IKZF2: variants seen among roughly 807,000 people sequenced by gnomAD.
The protein encoded by IKZF2 is zinc finger protein Helios.
IKZF2 carries 15 observed loss-of-function variants against 49.2 expected under a neutral mutation model. The ratio of observed to expected loss-of-function variants is 0.30; its 90% confidence interval spans 0.20 to 0.47. The LOEUF (loss-of-function observed/expected upper bound fraction) is 0.47. IKZF2 is among the 20% of genes least tolerant of loss of function. The pLI is 1.00. For missense variants in IKZF2, 567 were observed against 664.6 expected, an observed-to-expected ratio of 0.85 and a Z score of 1.61; for synonymous variants, 227 against 221.4, an observed-to-expected ratio of 1.03 and a Z score of -0.23.
rs1431744668 is a variant in IKZF2 at position 213,002,286 on chromosome 2, G to A, written c.*5074C>T. 2 of 151,476 alleles carry A rather than the reference G, an allele frequency of 1.3e-5. No individual in the cohort carries two copies. Among genetic ancestry groups the A allele is most frequent in the African/African-American group, 2.4e-5 (1 of 41,374 alleles). The allele number at this position is 151,476 out of a possible 1,614,324, so 9.4% of individuals were successfully genotyped here. ...AAAATATACAAATGCAGTGTTATGG[G>A]AGGAAAGCCCCATAAACAGAATTAT... On this transcript the variant is annotated 3_prime_UTR_variant, in exon 9 of 9. Coordinates refer to ENST00000434687, the MANE Select transcript of IKZF2 (RefSeq NM_001387220.1).
chr2:213,078,800 T>C (rs1465881774), intron 4 of IKZF2, among the ~76,000 whole-genome samples: 1 of 152,208 alleles, frequency 6.6e-6, no homozygotes, highest in Non-Finnish European at 1.5e-5. Context: ...GAAATTCTGC[T>C]GTCATTTCCT....
chr2:213,092,860 A>T (rs891683012), intron 4 of IKZF2, among the ~76,000 whole-genome samples: 11 of 152,156 alleles, frequency 7.2e-5, no homozygotes, highest in Admixed American at 6.5e-4. Flanking sequence ...AGTGCCACAC[A>T]GCTCTATGTC....
chr2:213,052,373 G>A (rs1005557393), intron 5 of IKZF2, among the ~76,000 whole-genome samples: 1 of 152,014 alleles, frequency 6.6e-6, no homozygotes, highest in African/African-American at 2.4e-5. Context: ...TAAGAGAAAA[G>A]GGGCATTGAA....
chr2:213,083,828 G>A (rs1041858870), intron 4 of IKZF2, among the ~76,000 whole-genome samples: 1 of 151,100 alleles, frequency 6.6e-6, no homozygotes, highest in Non-Finnish European at 1.5e-5. Flanking sequence ...GGACTATCTA[G>A]TTGCAGGAAA....
chr2:213,126,804 A>T (rs897423067), intron 4 of IKZF2, among the ~76,000 whole-genome samples: 1 of 152,164 alleles, frequency 6.6e-6, no homozygotes, highest in Non-Finnish European at 1.5e-5. Context: ...AGCAAAACAC[A>T]TTGGTTTCAG....
Position 213,040,329 on chromosome 2 carries a change from C to T in IKZF2, c.574+9384G>A, listed in dbSNP as rs1048810614. 8.6e-5 allele frequency among the ~76,000 whole-genome samples: 13 copies of T among 150,754 alleles called. No individual in the cohort carries two copies. The East Asian group carries it at 1.7e-3, about 20-fold the overall frequency. On this transcript the variant is annotated intron_variant, in intron 6 of 8. Transcript: ENST00000434687. ...GTTATTTTCTCCTGATTCTCTCCTT[C>T]GTCCCACCCTCTACTCTCCAATAGG...
intron 4 of IKZF2, among the ~76,000 whole-genome samples, chr2:213,111,203 T>TA (rs1321402224): frequency 6.6e-6 from 1 of 152,020 alleles, no homozygotes; most frequent in Non-Finnish European, 1.5e-5. Flanking sequence ...AAGACCATAA[T>TA]AAGACTTTCA....
intron 4 of IKZF2, among the ~76,000 whole-genome samples, chr2:213,138,757 A>G (rs1449195323): frequency 6.6e-6 from 1 of 152,042 alleles, no homozygotes; most frequent in Non-Finnish European, 1.5e-5. Flanking sequence ...CTTTCCTACT[A>G]ACTAACATGA....
chr2:213,120,222 CAA>C (rs2060007260), intron 4 of IKZF2, among the ~76,000 whole-genome samples: 1 of 151,996 alleles, frequency 6.6e-6, no homozygotes, highest in Non-Finnish European at 1.5e-5. Context: ...ATATGGGAGA[CAA>C]AGACATAAAA....
intron 4 of IKZF2, among the ~76,000 whole-genome samples, chr2:213,139,660 TG>T (rs944943836): frequency 2.8e-4 from 43 of 152,106 alleles, no homozygotes; most frequent in African/African-American, 1.0e-3. Context: ...CAGTCAACCT[TG>T]AGATACAGAT....
chr2:213,006,658 A>T lies in IKZF2; in HGVS notation c.*702T>A, dbSNP rs947942642. The T allele has an allele frequency of 7.9e-5, 12 of 152,400 alleles. No individual in the cohort carries two copies. The highest frequency in any genetic ancestry group is 2.7e-4 in the African/African-American group (11 of 41,448). 9.4% of individuals were successfully genotyped at this position (152,400 alleles called of 1,614,324 possible). ...CTATAAAATGCCAGTCATCAAAACT[A>T]TGGAAAAACAGTGCTTACGTTTAGA... On this transcript the variant is annotated 3_prime_UTR_variant, in exon 9 of 9. Coordinates refer to ENST00000434687, the MANE Select transcript of IKZF2 (RefSeq NM_001387220.1).
chr2:213,074,984 A>G (rs988035776), intron 4 of IKZF2, among the ~76,000 whole-genome samples: 85 of 152,262 alleles, frequency 5.6e-4, no homozygotes, highest in Non-Finnish European at 7.2e-4. Flanking sequence ...GATTTCAACT[A>G]TGTGTGTACT....
intron 4 of IKZF2, among the ~76,000 whole-genome samples, chr2:213,117,796 A>G (rs2059925809): frequency 6.6e-6 from 1 of 152,218 alleles, no homozygotes; most frequent in Admixed American, 6.5e-5. Flanking sequence ...TTTGTATAAT[A>G]CTATTAACCC....
Position 213,011,188 on chromosome 2 carries a change from G to GA in IKZF2, c.856+2602dup, listed in dbSNP as rs112511023. On this transcript the variant is annotated intron_variant, in intron 8 of 8. Coordinates refer to ENST00000434687, the MANE Select transcript of IKZF2 (RefSeq NM_001387220.1). ...GGTTGCATGGACTTGGAAATGAATA[G>GA]AAAAAAAAAATCATTGAAAACAAGC... 5.3e-4 allele frequency among the ~76,000 whole-genome samples: 80 copies of GA among 149,542 alleles called. No individual in the cohort carries two copies. The East Asian group carries it at 9.6e-3, about 18-fold the overall frequency.
At chr2:213,056,361 G>C (rs543373291) in intron 5 of IKZF2, among the ~76,000 whole-genome samples, 2 of 152,244 alleles carry the variant, frequency 1.3e-5, no homozygotes, top group Non-Finnish European at 2.9e-5. Context: ...ACTGAGACCT[G>C]TGGTAGGATA....
At chr2:213,066,790 G>A (rs1052229490) in intron 4 of IKZF2, among the ~76,000 whole-genome samples, 1 of 152,046 alleles carries the variant, frequency 6.6e-6, no homozygotes, top group African/African-American at 2.4e-5. Flanking sequence ...TAGGATTACA[G>A]AATGCATATA....
intron 4 of IKZF2, among the ~76,000 whole-genome samples, chr2:213,070,794 G>A (rs1702619457): frequency 6.6e-6 from 1 of 152,084 alleles, no homozygotes; most frequent in Non-Finnish European, 1.5e-5. Context: ...GTCAACGACG[G>A]TGTCCAGGTC....
intron 1 of IKZF2, among the ~76,000 whole-genome samples, chr2:213,150,800 G>GA (rs766956915): frequency 7.1e-4 from 107 of 149,734 alleles, no homozygotes; most frequent in Non-Finnish European, 1.2e-3. Context: ...TGGCAAAAAA[G>GA]AAAAAAAATA....
intron 4 of IKZF2, among the ~76,000 whole-genome samples, chr2:213,076,938 T>C (rs1033705461): frequency 6.6e-6 from 1 of 152,110 alleles, no homozygotes; most frequent in African/African-American, 2.4e-5. Flanking sequence ...TAAAAGTATA[T>C]GAACTTAGTG....
Sources: allele counts gnomAD v4.1 joint callset (sites outside exome capture counted in the v4.1 genomes callset), GRCh38; gene constraint gnomAD v4.1.1; transcripts MANE v1.5; gene names NCBI Gene and HGNC (gene_info 2026-07-23, HGNC 2026-07-21).